LRPAP1: variants seen among roughly 807,000 people sequenced by gnomAD.
LRPAP1 encodes the protein LDL receptor related protein associated protein 1, also known as alpha-2-macroglobulin receptor-associated protein.
A neutral mutation model predicts 39.9 loss-of-function variants in LRPAP1; 41 were observed. The ratio of observed to expected loss-of-function variants is 1.03; its 90% confidence interval spans 0.80 to 1.33. The LOEUF (loss-of-function observed/expected upper bound fraction) is 1.33. Among genes scored for constraint, LRPAP1 ranks in the 40% most tolerant of loss-of-function variants. LRPAP1 has a pLI of 0.00. For synonymous variants in LRPAP1, 263 were observed against 212.7 expected, an observed-to-expected ratio of 1.24 and a Z score of -2.06; for missense variants, 565 against 482.3, an observed-to-expected ratio of 1.17 and a Z score of -1.61.
intron 1 of LRPAP1, among the ~76,000 whole-genome samples, chr4:3,526,521 C>A (rs182064089): frequency 1.3e-5 from 2 of 152,244 alleles, no homozygotes; most frequent in East Asian, 1.9e-4. Flanking sequence ...AACATCCCCA[C>A]GAAGCGTCAA....
chr4:3,515,019 C>T (rs987240924), intron 6 of LRPAP1, 91 bp from the exon 7 acceptor site: 34 of 1,423,090 alleles, frequency 2.4e-5, no homozygotes, highest in Admixed American at 3.6e-5. Context: ...CGCCAAAGGA[C>T]GGCGCCATAC....
Position 3,514,922 on chromosome 4 carries a change from G to C in LRPAP1, c.841C>G (p.Leu281Val), listed in dbSNP as rs765312397. The change falls in exon 7 of 8, where the codon CTC becomes GTC. Residue 281 changes from leucine to valine, a missense_variant. By Grantham distance (32) the Leu-to-Val change is conservative. Coordinates refer to ENST00000650182, the MANE Select transcript of LRPAP1 (RefSeq NM_002337.4). ...DKELEAFREE[L>V]KHFEAKIEKH... ...TCGATTTTGGCTTCGAAGTGCTTGA[G>C]CTCCTCCTGGAACAAGGTTTCCATA... 4.3e-6 allele frequency: 7 copies of C among 1,613,510 alleles called. No homozygotes were observed. The Admixed American group carries it at 1.2e-4, about 27-fold the overall frequency.
chr4:3,516,017 A>C lies in LRPAP1; in HGVS notation c.834+99T>G. On this transcript the variant is annotated intron_variant, in intron 6 of 7. Coordinates refer to ENST00000650182, the MANE Select transcript of LRPAP1 (RefSeq NM_002337.4). ...GAAGAAACTGCGAGAATCTTGAGAG[A>C]GAGAGCTTGGAGGAGAGGGCTGCAT... The C allele has an allele frequency of 2.6e-6, 3 of 1,159,294 alleles. No individual in the cohort carries two copies. In the South Asian group the frequency reaches 4.2e-5, roughly 16 times the overall value. 71.8% of individuals were successfully genotyped at this position (1,159,294 alleles called of 1,614,324 possible).
In LRPAP1 at chr4:3,532,312, T is replaced by C. The variant is rs1444982197; in HGVS notation, c.101A>G (p.Lys34Arg). 4 of 1,580,194 alleles carry C rather than the reference T, an allele frequency of 2.5e-6. No individual in the cohort carries two copies. The highest frequency in any genetic ancestry group is 2.3e-5 in the East Asian group (1 of 43,282). ...GGGCTGGTTCTTCTCCCGCGAGTAC[T>C]TGCCGCCGTGGCTCGCAGCGGGCCA... ...GPWPAASHGG[K>R]YSREKNQPKP... is the part of the protein sequence containing the mutation. Residue 34 changes from lysine to arginine, a missense_variant, in exon 1 of 8, where the codon AAG (lysine) becomes AGG (arginine). Lys to Arg is a conservative substitution (Grantham distance 26). Transcript: ENST00000650182.
At chr4:3,526,183 G>C (rs1359753018) in intron 1 of LRPAP1, among the ~76,000 whole-genome samples, 2 of 152,204 alleles carry the variant, frequency 1.3e-5, no homozygotes, top group Non-Finnish European at 2.9e-5. Flanking sequence ...GCTCGGCACT[G>C]TGCAGTGCAG....
chr4:3,519,555 C>T (rs1729844182), intron 3 of LRPAP1, among the ~76,000 whole-genome samples: 2 of 152,250 alleles, frequency 1.3e-5, no homozygotes, highest in Non-Finnish European at 2.9e-5. Flanking sequence ...TCCAGAGAAA[C>T]TGTTCTGGAG....
chr4:3,521,355 C>T (rs1729904191), intron 2 of LRPAP1, among the ~76,000 whole-genome samples: 1 of 152,180 alleles, frequency 6.6e-6, no homozygotes, highest in South Asian at 2.1e-4. Context: ...CAGATGGTGA[C>T]TCCCGGACCC....
intron 1 of LRPAP1, among the ~76,000 whole-genome samples, chr4:3,525,775 G>A (rs748376510): frequency 9.2e-5 from 14 of 152,212 alleles, no homozygotes; most frequent in Non-Finnish European, 1.5e-4. Context: ...GGTGAGAGAA[G>A]GAAGCAAGTG....
chr4:3,507,621 C>A lies in LRPAP1; in HGVS notation c.*5353G>T, dbSNP rs1335479186. On this transcript the variant is annotated 3_prime_UTR_variant, in exon 8 of 8. Coordinates refer to ENST00000650182, the MANE Select transcript of LRPAP1 (RefSeq NM_002337.4). ...AAGTTTTTAACTGTATTATCCCATT[C>A]TTTCATATTCTTCATCAATGATCTA... The A allele has an allele frequency of 1.3e-5, 2 of 151,980 alleles. No individual in the cohort carries two copies. The highest frequency in any genetic ancestry group is 2.1e-4 in the South Asian group (1 of 4,828). The allele number at this position is 151,980 out of a possible 1,614,324, so 9.4% of individuals were successfully genotyped here.
At chr4:3,513,364 G>A (rs1394110955) in intron 7 of LRPAP1, among the ~76,000 whole-genome samples, 1 of 152,222 alleles carries the variant, frequency 6.6e-6, no homozygotes, top group Non-Finnish European at 1.5e-5. Flanking sequence ...CTGGAGTGCA[G>A]TGGCATGATC....
intron 3 of LRPAP1, 91 bp downstream of exon 3, chr4:3,519,981 T>G (rs749487756): frequency 4.0e-6 from 6 of 1,497,156 alleles, no homozygotes; most frequent in Non-Finnish European, 5.5e-6. Context: ...CCGGCTCCCA[T>G]GCAGAGCAGA....
chr4:3,532,175 A>G (rs1800484), intron 1 of LRPAP1, 34 bp downstream of exon 1: 14,602 of 1,160,210 alleles, frequency 0.013, 204 homozygotes, highest in Admixed American at 0.067. Context: ...CCCCGCCCCC[A>G]GGCCCCGCTC....
At chr4:3,530,156 G>A (rs916196168) in intron 1 of LRPAP1, among the ~76,000 whole-genome samples, 6 of 152,158 alleles carry the variant, frequency 3.9e-5, no homozygotes, top group African/African-American at 1.2e-4. Context: ...GGCTCCTCCT[G>A]CCTCCTGACC....
In LRPAP1 at chr4:3,518,279, A is replaced by C. The variant is rs1445052390; in HGVS notation, c.593-87T>G. On this transcript the variant is annotated intron_variant, in intron 4 of 7. Coordinates refer to ENST00000650182, the MANE Select transcript of LRPAP1 (RefSeq NM_002337.4). ...CTGTCTAGAACGCCCACTGCTGGGG[A>C]GCTCAAACTCGCTCTCATTTCTGGG... is the stretch of plus-strand genomic sequence containing the variant. 5.0e-6 allele frequency: 7 copies of C among 1,392,288 alleles called. No individual in the cohort carries two copies. In the African/African-American group the frequency reaches 8.7e-5, roughly 17 times the overall value. 86.2% of individuals were successfully genotyped at this position (1,392,288 alleles called of 1,614,324 possible).
Position 3,512,787 on chromosome 4 carries a change from T to A in LRPAP1, c.*187A>T. The A allele has an allele frequency of 1.7e-6, 1 of 592,378 alleles. No homozygotes were observed. The highest frequency in any genetic ancestry group is 2.0e-5 in the South Asian group (1 of 49,968). The allele number at this position is 592,378 out of a possible 1,614,324, so 36.7% of individuals were successfully genotyped here. On this transcript the variant is annotated 3_prime_UTR_variant, in exon 8 of 8. Transcript: ENST00000650182. ...GAGCTGGGCCGATCTCAGACCCAAATGCTACCACCACCAAGCCCTGTGTCG... is the reference window on the plus strand; with the variant it reads ...GAGCTGGGCCGATCTCAGACCCAAAAGCTACCACCACCAAGCCCTGTGTCG...
At position 3,509,092 on chromosome 4, in the gene LRPAP1, A is replaced by C. The variant is rs1457856951; in HGVS notation, c.*3882T>G. ...TACACAGTCCTCAATAGCATATCGA[A>C]CACCTAGGACTAGATCTAAAGGAAA... On this transcript the variant is annotated 3_prime_UTR_variant, in exon 8 of 8. Transcript: ENST00000650182. The C allele has an allele frequency of 6.6e-6, 1 of 152,298 alleles. No individual in the cohort carries two copies. The highest frequency in any genetic ancestry group is 1.5e-5 in the Non-Finnish European group (1 of 68,050). The allele number at this position is 152,298 out of a possible 1,614,324, so 9.4% of individuals were successfully genotyped here. A position where few individuals can be genotyped will look rare whatever the true frequency, so the allele number is the denominator to read the frequency against.
At chr4:3,520,802 C>T (rs1008763700) in intron 2 of LRPAP1, among the ~76,000 whole-genome samples, 4 of 152,242 alleles carry the variant, frequency 2.6e-5, no homozygotes, top group African/African-American at 9.6e-5. Flanking sequence ...AAATAGTCTG[C>T]AGTGTGCTGT....
At chr4:3,523,045 G>A (rs1367025203) in intron 2 of LRPAP1, among the ~76,000 whole-genome samples, 3 of 152,172 alleles carry the variant, frequency 2.0e-5, no homozygotes, top group Non-Finnish European at 4.4e-5. Flanking sequence ...CTGGGACGCC[G>A]GCTCCTAGAG....
chr4:3,523,893 G>A (rs1280421116), intron 2 of LRPAP1, among the ~76,000 whole-genome samples: 4 of 152,082 alleles, frequency 2.6e-5, no homozygotes, highest in African/African-American at 4.8e-5. Flanking sequence ...TCACACCACC[G>A]TCCTGTGAGA....
Sources: gnomAD v4.1 joint callset for allele counts (sites outside exome capture counted in the v4.1 genomes callset) on GRCh38, gnomAD v4.1.1 for gene constraint, MANE v1.5 for transcripts, NCBI Gene and HGNC (gene_info 2026-07-23, HGNC 2026-07-21) for gene names.